The following SGCD variants were observed in gnomAD, a reference collection of about 807,000 sequenced individuals.
The protein encoded by SGCD is delta-sarcoglycan.
In SGCD, 18 loss-of-function variants were observed where a neutral mutation model predicts 36.6. The ratio of observed to expected loss-of-function variants is 0.49; its 90% CI spans 0.34 to 0.73. SGCD has a LOEUF of 0.73. Ranked by LOEUF, SGCD falls within the 30% of genes least tolerant of loss-of-function variation. The pLI is 0.01. For synonymous variants in SGCD, 133 were observed against 130.6 expected, an observed-to-expected ratio of 1.02 and a Z score of -0.12; for missense variants, 387 against 346.7, an observed-to-expected ratio of 1.12 and a Z score of -0.92.
chr5:156,444,804 T>TA (rs1019933621), intron 3 of SGCD, among the ~76,000 whole-genome samples: 1 of 152,190 alleles, frequency 6.6e-6, no homozygotes, highest in Admixed American at 6.6e-5. Context: ...TTTTTAAGCT[T>TA]AAAAAAATGT....
At chr5:156,547,749 A>T (rs111606685) in intron 4 of SGCD, among the ~76,000 whole-genome samples, 4 of 152,156 alleles carry the variant, frequency 2.6e-5, no homozygotes, top group Non-Finnish European at 5.9e-5. Flanking sequence ...TTTTTATATA[A>T]ATAAAAGATT....
chr5:155,975,080 A>C (rs1208465039), intron 1 of SGCD, among the ~76,000 whole-genome samples: 1 of 152,212 alleles, frequency 6.6e-6, no homozygotes, highest in Non-Finnish European at 1.5e-5. Flanking sequence ...GAATGCCTTG[A>C]TGATGAATGA....
At chr5:155,845,367 T>C in the SGCD span, 1 of 152,110 alleles carries the variant, frequency 6.6e-6, no homozygotes, top group Non-Finnish European at 1.5e-5. Context: ...ATGTGCCTTC[T>C]TCTCAGTGGA....
intron 1 of SGCD, among the ~76,000 whole-genome samples, chr5:155,976,439 G>C (rs181013524): frequency 6.6e-6 from 1 of 152,158 alleles, no homozygotes; most frequent in Admixed American, 6.5e-5. Flanking sequence ...AGGATTCCAA[G>C]TTATGTATAA....
chr5:156,372,902 GTCTT>G (rs1561652425), intron 3 of SGCD, among the ~76,000 whole-genome samples: 3 of 146,462 alleles, frequency 2.0e-5, no homozygotes, highest in African/African-American at 8.3e-5. Context: ...TTCTCTTCAG[GTCTT>G]TCTAGGTGAC....
intron 3 of SGCD, among the ~76,000 whole-genome samples, chr5:156,186,533 A>G (rs1763766543): frequency 6.6e-6 from 1 of 152,178 alleles, no homozygotes; most frequent in South Asian, 2.1e-4. Flanking sequence ...ATCTGGTTTT[A>G]TGCTACTTTT....
the SGCD span, among the ~76,000 whole-genome samples, chr5:155,833,671 A>G: frequency 6.6e-6 from 1 of 152,348 alleles, no homozygotes; most frequent in Non-Finnish European, 1.5e-5. Flanking sequence ...GCAGTGTTTC[A>G]GCACTTCTCA....
chr5:156,427,515 G>A (rs539647482), intron 3 of SGCD, among the ~76,000 whole-genome samples: 4 of 151,952 alleles, frequency 2.6e-5, no homozygotes, highest in Admixed American at 1.3e-4. Flanking sequence ...TTTCCAATTC[G>A]GAGGCCCTTT....
chr5:156,169,517 G>T (rs528251405), intron 3 of SGCD, among the ~76,000 whole-genome samples: 93 of 152,264 alleles, frequency 6.1e-4, no homozygotes, highest in Middle Eastern at 3.4e-3. Flanking sequence ...ATCAAAAATT[G>T]AGTATCTCCT....
intron 6 of SGCD, among the ~76,000 whole-genome samples, chr5:156,631,765 C>G (rs1293423969): frequency 6.6e-6 from 1 of 152,000 alleles, no homozygotes; most frequent in African/African-American, 2.4e-5. Flanking sequence ...CTGTGGATTT[C>G]CATTTCCTAT....
At chr5:156,741,212 A>G (rs1465565198) in intron 7 of SGCD, among the ~76,000 whole-genome samples, 1 of 152,256 alleles carries the variant, frequency 6.6e-6, no homozygotes, top group Admixed American at 6.5e-5. Flanking sequence ...ATTAATGTAG[A>G]TTCTTATGAT....
intron 1 of SGCD, among the ~76,000 whole-genome samples, chr5:155,916,358 G>A (rs1011632375): frequency 3.3e-5 from 5 of 152,006 alleles, no homozygotes; most frequent in Non-Finnish European, 4.4e-5. Context: ...ATACATTTAG[G>A]GTTTCTTTGA....
intron 7 of SGCD, among the ~76,000 whole-genome samples, chr5:156,656,035 ATCT>A (rs990293694): frequency 2.0e-5 from 3 of 152,106 alleles, no homozygotes; most frequent in Non-Finnish European, 4.4e-5. Context: ...AGACGGTAAA[ATCT>A]TCTTTCTCAG....
At chr5:156,007,634 A>G (rs1758782377) in intron 1 of SGCD, among the ~76,000 whole-genome samples, 1 of 152,208 alleles carries the variant, frequency 6.6e-6, no homozygotes, top group South Asian at 2.1e-4. Flanking sequence ...GGACCAGAGT[A>G]GGGCTCTGGG....
intron 1 of SGCD, among the ~76,000 whole-genome samples, chr5:155,988,226 A>T (rs1025844567): frequency 6.6e-6 from 1 of 152,086 alleles, no homozygotes; most frequent in Non-Finnish European, 1.5e-5. Context: ...TGGTCACAGG[A>T]TGACTGCTGT....
chr5:156,409,293 G>C (rs1180412189), intron 3 of SGCD, among the ~76,000 whole-genome samples: 1 of 151,292 alleles, frequency 6.6e-6, no homozygotes, highest in African/African-American at 2.4e-5. Context: ...TCTTCTCTTT[G>C]ATGTCTGTGT....
intron 1 of SGCD, among the ~76,000 whole-genome samples, chr5:156,069,837 G>T (rs1404373327): frequency 6.6e-6 from 1 of 152,006 alleles, no homozygotes; most frequent in Non-Finnish European, 1.5e-5. Context: ...CCTTGAAGAT[G>T]TCCTTCACGT....
chr5:155,798,920 G>A, the SGCD span, among the ~76,000 whole-genome samples: 2 of 152,308 alleles, frequency 1.3e-5, no homozygotes, highest in East Asian at 3.9e-4. Context: ...GAAACCTGGG[G>A]AAGAACTTTA....
rs757276798 is a variant in SGCD at position 156,060,962 on chromosome 5, C to T, written c.-281-56916C>T. Among the ~76,000 whole-genome samples, 33 of 145,026 alleles carry T rather than the reference C, an allele frequency of 2.3e-4. 3 individuals carry two copies. Among genetic ancestry groups the T allele is most frequent in the Admixed American group, 5.5e-4 (8 of 14,456 alleles). ...ATTTTAACATCCCCAGTTCCTATCA[C>T]CGTGGTCAGCGGAATCCCTCTGTCT... On this transcript the variant is annotated intron_variant, in intron 1 of 9. Coordinates refer to the SGCD transcript ENST00000517913.
Sources: allele counts gnomAD v4.1 joint callset (sites outside exome capture counted in the v4.1 genomes callset), GRCh38; gene constraint gnomAD v4.1.1; transcripts MANE v1.5; gene names NCBI Gene and HGNC (gene_info 2026-07-23, HGNC 2026-07-21).